Variants in CTNNA3 observed in about 807,000 individuals in gnomAD.
CTNNA3 encodes catenin alpha-3.
CTNNA3 carries 76 observed loss-of-function variants against 95.7 expected under a neutral mutation model. The ratio of observed to expected loss-of-function variants is 0.79; its 90% CI spans 0.66 to 0.96. The LOEUF (loss-of-function observed/expected upper bound fraction) is 0.96, where lower values mean the gene tolerates loss of function less well. CTNNA3 is among the 40% of genes least tolerant of loss of function. The pLI is 0.00. For missense variants in CTNNA3, 1,191 were observed against 1,089.8 expected (o/e 1.09, Z -1.31); for synonymous variants, 431 against 374.4 (o/e 1.15, Z -1.74).
chr10:67,028,669 C>A (rs898805378), intron 7 of CTNNA3, among the ~76,000 whole-genome samples: 10 of 146,458 alleles, frequency 6.8e-5, no homozygotes, highest in Admixed American at 2.0e-4. Context: ...AAAAAAAGTT[C>A]TTGGAGTTTA....
chr10:66,614,985 T>C (rs1041595486), intron 10 of CTNNA3, among the ~76,000 whole-genome samples: 1 of 152,000 alleles, frequency 6.6e-6, no homozygotes, highest in African/African-American at 2.4e-5. Context: ...CTTCTACTTC[T>C]CAATAATGAA....
intron 13 of CTNNA3, among the ~76,000 whole-genome samples, chr10:66,158,641 G>A (rs867120682): frequency 3.1e-4 from 47 of 151,818 alleles, no homozygotes; most frequent in Middle Eastern, 3.2e-3. Flanking sequence ...GCTCTTTTTT[G>A]GTTCCATATG....
chr10:66,188,901 TA>T (rs1196624554), intron 13 of CTNNA3, among the ~76,000 whole-genome samples: 8 of 152,046 alleles, frequency 5.3e-5, no homozygotes, highest in African/African-American at 1.7e-4. Context: ...TATCTCTTGA[TA>T]TTTTTATAAG....
intron 13 of CTNNA3, among the ~76,000 whole-genome samples, chr10:66,136,145 G>A (rs375084061): frequency 2.0e-4 from 30 of 152,140 alleles, no homozygotes; most frequent in Admixed American, 7.9e-4. Flanking sequence ...CTTGTGATCC[G>A]TCCTTCTCGG....
At chr10:67,551,763 T>C (rs1841042005) in intron 3 of CTNNA3, among the ~76,000 whole-genome samples, 1 of 152,144 alleles carries the variant, frequency 6.6e-6, no homozygotes, top group African/African-American at 2.4e-5. Context: ...CAAGGGAACT[T>C]TTCCCGTTTC....
intron 15 of CTNNA3, among the ~76,000 whole-genome samples, chr10:66,003,329 G>GGTGTGT (rs376512211): frequency 0.11 from 16,060 of 149,864 alleles, 969 homozygotes; most frequent in Middle Eastern, 0.17. Context: ...TGGTGGTGGT[G>GGTGTGT]GTGTGTGTGT....
At chr10:67,317,056 T>C (rs1197383680) in intron 5 of CTNNA3, among the ~76,000 whole-genome samples, 1 of 152,214 alleles carries the variant, frequency 6.6e-6, no homozygotes, top group African/African-American at 2.4e-5. Context: ...GCAGTAAATG[T>C]TTCAAAAACT....
chr10:67,030,107 T>G (rs116776750), intron 7 of CTNNA3, among the ~76,000 whole-genome samples: 1,852 of 152,362 alleles, frequency 0.012, 50 homozygotes, highest in African/African-American at 0.043. Context: ...ATCAAAATAA[T>G]CTGTTTTCAA....
intron 13 of CTNNA3, among the ~76,000 whole-genome samples, chr10:66,140,235 G>C (rs1284367297): frequency 6.6e-6 from 1 of 152,096 alleles, no homozygotes; most frequent in Non-Finnish European, 1.5e-5. Flanking sequence ...GAGAACCAGA[G>C]GAAATGCAAT....
intron 7 of CTNNA3, among the ~76,000 whole-genome samples, chr10:67,033,968 C>G (rs1853888171): frequency 1.3e-5 from 2 of 152,080 alleles, no homozygotes; most frequent in South Asian, 4.1e-4. Context: ...GACCAGGTTT[C>G]CCCATGTTGG....
rs372323213 is a variant in CTNNA3, at chr10:66,222,599, C to T, written c.1884+57871G>A. On this transcript the variant is annotated intron_variant, in intron 13 of 17. Coordinates refer to ENST00000433211, the MANE Select transcript of CTNNA3 (RefSeq NM_013266.4). ...GAAAGAAGGAAAGAAAAAGAAAGAA[C>T]GAAAGAAAGAAAGAAAGAAAGAAAA... Among the ~76,000 whole-genome samples the T allele has an allele frequency of 7.0e-4, 58 of 82,904 alleles. No individual in the cohort carries two copies. In the South Asian group the frequency reaches 0.018, roughly 26 times the overall value. The allele number at this position is 82,904 out of a possible 152,430, so 54.4% of individuals were successfully genotyped here.
At chr10:66,153,648 T>C (rs2084324243) in intron 13 of CTNNA3, among the ~76,000 whole-genome samples, 1 of 151,938 alleles carries the variant, frequency 6.6e-6, no homozygotes, top group African/African-American at 2.4e-5. Flanking sequence ...CCTTACTTTC[T>C]AGTACCTGCA....
At chr10:66,418,056 A>C (rs901022118) in intron 11 of CTNNA3, among the ~76,000 whole-genome samples, 3 of 151,650 alleles carry the variant, frequency 2.0e-5, no homozygotes, top group Non-Finnish European at 4.4e-5. Flanking sequence ...AACAATAAAA[A>C]GCATGAATGA....
chr10:66,532,648 G>A (rs1841510759), intron 10 of CTNNA3, among the ~76,000 whole-genome samples: 2 of 152,092 alleles, frequency 1.3e-5, no homozygotes, highest in Non-Finnish European at 2.9e-5. Flanking sequence ...CTAAGTTAGA[G>A]AGCATAAGAC....
chr10:67,374,656 A>G lies in CTNNA3; in HGVS notation c.579+147186T>C, dbSNP rs928702992. On this transcript the variant is annotated intron_variant, in intron 5 of 17. Transcript: ENST00000433211. ...TTAGGTGTATATATTTATGGAGTAC[A>G]TGAGATATTTTGTTACAGGTAAATA... 7.2e-5 allele frequency among the ~76,000 whole-genome samples: 11 copies of G among 152,230 alleles called. No individual in the cohort carries two copies. In the East Asian group the frequency reaches 2.1e-3, roughly 29 times the overall value.
chr10:65,962,070 C>G (rs909329362), intron 17 of CTNNA3, among the ~76,000 whole-genome samples: 1 of 152,112 alleles, frequency 6.6e-6, no homozygotes, highest in Non-Finnish European at 1.5e-5. Flanking sequence ...ACAGTCAAGT[C>G]TCAGAATCTA....
intron 7 of CTNNA3, among the ~76,000 whole-genome samples, chr10:66,880,499 C>A (rs1844804557): frequency 6.6e-6 from 1 of 152,084 alleles, no homozygotes; most frequent in African/African-American, 2.4e-5. Context: ...ATAGCCTAAT[C>A]TCTTCCTACT....
At chr10:66,362,185 C>T (rs1287023402) in intron 12 of CTNNA3, among the ~76,000 whole-genome samples, 1 of 148,944 alleles carries the variant, frequency 6.7e-6, no homozygotes, top group Non-Finnish European at 1.5e-5. Context: ...TCACAGCAAC[C>T]TCCGCCTTCT....
chr10:66,685,597 C>A, intron 9 of CTNNA3, among the ~76,000 whole-genome samples: 1 of 150,924 alleles, frequency 6.6e-6, no homozygotes, highest in Non-Finnish European at 1.5e-5. Context: ...TGGTCTCGAT[C>A]TCCTGACCTC....
Sources: gnomAD v4.1 joint callset for allele counts (sites outside exome capture counted in the v4.1 genomes callset) on GRCh38, gnomAD v4.1.1 for gene constraint, MANE v1.5 for transcripts, NCBI Gene and HGNC (gene_info 2026-07-23, HGNC 2026-07-21) for gene names.